GTF2A1L: variants seen among roughly 807,000 people sequenced by gnomAD.
The protein encoded by GTF2A1L is general transcription factor IIA subunit 1 like.
Under a neutral mutation model 49.7 loss-of-function variants are expected in GTF2A1L, and 48 were observed. The ratio of observed to expected loss-of-function variants is 0.97; its 90% CI spans 0.77 to 1.23. GTF2A1L has a LOEUF of 1.23. GTF2A1L is among the 50% of genes most tolerant of loss of function. The probability of loss-of-function intolerance (pLI) is 0.00; values close to 1 mark genes in which losing one functional copy is unlikely to be tolerated. For missense variants in GTF2A1L, 736 were observed against 564.8 expected, an observed-to-expected ratio of 1.30 and a Z score of -3.07; for synonymous variants, 246 against 193.5, an observed-to-expected ratio of 1.27 and a Z score of -2.25.
intron 3 of GTF2A1L, among the ~76,000 whole-genome samples, chr2:48,641,150 C>T (rs1210013883): frequency 2.0e-5 from 3 of 152,002 alleles, no homozygotes; most frequent in Non-Finnish European, 4.4e-5. Context: ...TTTTTATTTC[C>T]TCTCCGGCTA....
rs188169845 is a variant in GTF2A1L, at chr2:48,664,413, C to T, written c.979-5309C>T. 1.2e-4 allele frequency among the ~76,000 whole-genome samples: 18 copies of T among 151,192 alleles called. No individual in the cohort carries two copies. In the East Asian group the frequency reaches 2.9e-3, roughly 25 times the overall value. On this transcript the variant is annotated intron_variant, in intron 6 of 8. Coordinates refer to ENST00000403751, the MANE Select transcript of GTF2A1L (RefSeq NM_006872.5). ...TTTCATGTTTTGATATGGTGAGATA[C>T]ACTGATTGATTTTTGAATGTTCAGC...
intron 6 of GTF2A1L, among the ~76,000 whole-genome samples, chr2:48,667,275 A>G (rs1678906273): frequency 1.3e-5 from 2 of 152,052 alleles, no homozygotes; most frequent in South Asian, 4.2e-4. Flanking sequence ...ATTTTGATTG[A>G]ATGTCAGACA....
At chr2:48,622,158 TGAA>T (rs575515010) in intron 3 of GTF2A1L, among the ~76,000 whole-genome samples, 76 of 152,334 alleles carry the variant, frequency 5.0e-4, no homozygotes, top group Non-Finnish European at 9.1e-4. Flanking sequence ...TGGGCCAAGG[TGAA>T]GAGAACATTG....
intron 8 of GTF2A1L, among the ~76,000 whole-genome samples, chr2:48,674,461 C>T (rs1025040064): frequency 3.3e-5 from 5 of 151,728 alleles, no homozygotes; most frequent in African/African-American, 4.8e-5. Context: ...ATCTTTTTCT[C>T]TGAAAATAAG....
rs376463534 is a variant in GTF2A1L at position 48,652,485 on chromosome 2, AG to A, written c.978+5445del. On this transcript the variant is annotated intron_variant, in intron 6 of 8. Coordinates refer to ENST00000403751, the MANE Select transcript of GTF2A1L (RefSeq NM_006872.5). ...ACAAAAATTAGCGGAGTGTGGTGGC[AG>A]GCACCTGTAATCCCAGCTACTCGGG... is the stretch of plus-strand genomic sequence containing the variant. 4.6e-3 allele frequency among the ~76,000 whole-genome samples: 701 copies of A among 151,310 alleles called. 3 individuals are homozygous for A. The highest frequency in any genetic ancestry group is 0.015 in the South Asian group (73 of 4,758).
At chr2:48,663,647 T>C (rs775167074) in intron 6 of GTF2A1L, among the ~76,000 whole-genome samples, 6 of 152,164 alleles carry the variant, frequency 3.9e-5, no homozygotes, top group Non-Finnish European at 7.4e-5. Flanking sequence ...ATTTTTTTTA[T>C]TTTTATATTT....
In GTF2A1L at chr2:48,620,925, G is replaced by C; in HGVS notation, c.96G>C (p.Glu32Asp). The change falls in exon 2 of 9, where the codon GAG (glutamate) becomes GAC (aspartate). Residue 32 changes from glutamate to aspartate, a missense_variant. Transcript: ENST00000403751. ...VRNLFAEEGI[E>D]EQVLKDLKQL... ...ATCTATTTGCTGAAGAAGGTATAGAGGAACAAGTTTTAAAAGACTTGAAGC... is the reference window on the plus strand; with the variant it reads ...ATCTATTTGCTGAAGAAGGTATAGACGAACAAGTTTTAAAAGACTTGAAGC... 6 of 1,603,456 alleles carry C rather than the reference G, an allele frequency of 3.7e-6. No homozygotes were observed. Among genetic ancestry groups the C allele is most frequent in the Non-Finnish European group, 5.1e-6 (6 of 1,176,466 alleles).
intron 1 of GTF2A1L, among the ~76,000 whole-genome samples, chr2:48,618,319 CAT>C (rs949076350): frequency 6.6e-5 from 10 of 152,188 alleles, no homozygotes; most frequent in African/African-American, 1.4e-4. Context: ...TACCTCCCCA[CAT>C]GTTTTTAGTG....
At chr2:48,648,589 A>G (rs952913092) in intron 6 of GTF2A1L, among the ~76,000 whole-genome samples, 18 of 152,136 alleles carry the variant, frequency 1.2e-4, no homozygotes, top group African/African-American at 4.1e-4. Flanking sequence ...CAAGCAAACT[A>G]TATAACATTA....
chr2:48,647,235 T>C lies in GTF2A1L; in HGVS notation c.978+193T>C, dbSNP rs1483953798. ...GATAAAATACACGTAACATAAAGTT[T>C]ACCAACTTAACCATTTTTAAGTGTA... is the stretch of plus-strand genomic sequence containing the variant. On this transcript the variant is annotated intron_variant, in intron 6 of 8. Coordinates refer to ENST00000403751, the MANE Select transcript of GTF2A1L (RefSeq NM_006872.5). The C allele has an allele frequency of 9.8e-6, 5 of 507,814 alleles. No homozygotes were observed. The East Asian group carries it at 1.7e-4, about 17-fold the overall frequency. The allele number at this position is 507,814 out of a possible 1,614,324, so 31.5% of individuals were successfully genotyped here. A position where few individuals can be genotyped will look rare whatever the true frequency, so the allele number is the denominator to read the frequency against.
At chr2:48,661,595 A>G (rs186827839) in intron 6 of GTF2A1L, among the ~76,000 whole-genome samples, 61 of 152,086 alleles carry the variant, frequency 4.0e-4, no homozygotes, top group African/African-American at 1.4e-3. Context: ...GTGCACATGT[A>G]TTTATAATTG....
chr2:48,620,232 T>C (rs1473823678), intron 1 of GTF2A1L, among the ~76,000 whole-genome samples: 1 of 152,232 alleles, frequency 6.6e-6, no homozygotes, highest in African/African-American at 2.4e-5. Flanking sequence ...GGTTAAATAC[T>C]GACACAAAAG....
intron 3 of GTF2A1L, among the ~76,000 whole-genome samples, chr2:48,636,001 C>T (rs1429456568): frequency 6.6e-6 from 1 of 152,170 alleles, no homozygotes; most frequent in Non-Finnish European, 1.5e-5. Context: ...CTCTCATGTA[C>T]TGGGGCTTCA....
intron 1 of GTF2A1L, 54 bp downstream of exon 1, chr2:48,617,949 AC>A: frequency 6.6e-7 from 1 of 1,526,352 alleles, no homozygotes; most frequent in Non-Finnish European, 8.9e-7. Context: ...CTCCGGGTTC[AC>A]GGCAGCCGAA....
rs769348842 is a variant in GTF2A1L, at chr2:48,671,657, G to A, written c.1306G>A (p.Val436Ile). The A allele has an allele frequency of 2.4e-5, 38 of 1,613,430 alleles. No homozygotes were observed. Among genetic ancestry groups the A allele is most frequent in the Non-Finnish European group, 3.1e-5 (37 of 1,179,650 alleles). ...GCCAGACCTGTTTGACACGGATAAT[G>A]TTATTGTCTGTCAGTATGATAAGGT... ...DVPDLFDTDN[V>I]IVCQYDKIHR... The change falls in exon 8 of 9, where the codon GTT (valine) becomes ATT (isoleucine). Residue 436 changes from valine (V) to isoleucine (I), a missense_variant. Coordinates refer to ENST00000403751, the MANE Select transcript of GTF2A1L (RefSeq NM_006872.5).
chr2:48,620,755 C>T (rs1675942160), intron 1 of GTF2A1L, 96 bp from the exon 2 acceptor site: 1 of 767,530 alleles, frequency 1.3e-6, no homozygotes, highest in Non-Finnish European at 1.6e-6. Context: ...CCAGCCTGGG[C>T]AACAGAGCAT....
At chr2:48,644,762 T>C (rs1677399570) in intron 4 of GTF2A1L, among the ~76,000 whole-genome samples, 1 of 152,208 alleles carries the variant, frequency 6.6e-6, no homozygotes, top group Admixed American at 6.5e-5. Context: ...AGCTATGTCT[T>C]GGGCAAGTTT....
intron 1 of GTF2A1L, among the ~76,000 whole-genome samples, chr2:48,618,523 C>G (rs3792240): frequency 0.26 from 39,052 of 151,882 alleles, 5,187 homozygotes; most frequent in Non-Finnish European, 0.27. Context: ...TCTTTATTAC[C>G]AATTCATCTC....
chr2:48,675,872 ATC>A (rs1679442675), intron 8 of GTF2A1L, among the ~76,000 whole-genome samples: 2 of 151,790 alleles, frequency 1.3e-5, no homozygotes, highest in African/African-American at 4.8e-5. Context: ...CTTTATATGT[ATC>A]TATATATCTC....
Sources: gnomAD v4.1 joint callset for allele counts (sites outside exome capture counted in the v4.1 genomes callset) on GRCh38, gnomAD v4.1.1 for gene constraint, MANE v1.5 for transcripts, NCBI Gene and HGNC (gene_info 2026-07-23, HGNC 2026-07-21) for gene names.